The following CEP162 variants were observed in gnomAD, a reference collection of about 807,000 sequenced individuals.
CEP162 encodes centrosomal protein of 162 kDa.
A neutral mutation model predicts 169.2 loss-of-function variants in CEP162; 141 were observed. That is an observed-to-expected ratio of 0.83 (90% CI 0.73 to 0.96). The LOEUF is 0.96. Ranked by LOEUF, CEP162 falls within the 40% of genes least tolerant of loss-of-function variation. The pLI is 0.00. For synonymous variants in CEP162, 540 were observed against 526.4 expected, an observed-to-expected ratio of 1.03 and a Z score of -0.35; for missense variants, 1,600 against 1,587.2, an observed-to-expected ratio of 1.01 and a Z score of -0.14.
intron 11 of CEP162, among the ~76,000 whole-genome samples, chr6:84,192,194 T>C (rs2099540211): frequency 6.6e-6 from 1 of 152,244 alleles, no homozygotes; most frequent in African/African-American, 2.4e-5. Context: ...TAGGGTCATT[T>C]ACTCCATAGT....
At chr6:84,218,552 AT>A (rs2099552443) in intron 3 of CEP162, among the ~76,000 whole-genome samples, 1 of 152,162 alleles carries the variant, frequency 6.6e-6, no homozygotes, top group Non-Finnish European at 1.5e-5. Flanking sequence ...GCTTTTTAAT[AT>A]TCTTTTGTTC....
chr6:84,144,391 T>C (rs1004739609), intron 25 of CEP162, among the ~76,000 whole-genome samples: 4 of 152,098 alleles, frequency 2.6e-5, no homozygotes, highest in Admixed American at 2.6e-4. Context: ...TAATGTTGTA[T>C]TGTCACAAAA....
At chr6:84,215,950 G>A (rs2099551388) in intron 3 of CEP162, 28 bp from the exon 4 acceptor site, 1 of 1,492,634 alleles carries the variant, frequency 6.7e-7, no homozygotes, top group African/African-American at 1.4e-5. Flanking sequence ...TACAGATGAA[G>A]ATTTATGTTC....
Position 84,221,569 on chromosome 6 carries a change from C to A in CEP162, c.58-398G>T, listed in dbSNP as rs190110011. 1.6e-4 allele frequency among the ~76,000 whole-genome samples: 25 copies of A among 152,232 alleles called. No homozygotes were observed. The Middle Eastern group carries it at 0.01, about 62-fold the overall frequency. On this transcript the variant is annotated intron_variant, in intron 2 of 26. Transcript: ENST00000403245. ...AACAGAATTTCAATATAAGGAAGAACTGAGTTTCAGGGTGTAAAGAGGAGG... is the reference window on the plus strand; with the variant it reads ...AACAGAATTTCAATATAAGGAAGAAATGAGTTTCAGGGTGTAAAGAGGAGG...
intron 9 of CEP162, 80 bp from the exon 10 acceptor site, chr6:84,195,155 A>ACCTGTTATATTCCTGTTATATT: frequency 8.8e-7 from 1 of 1,133,104 alleles, no homozygotes; most frequent in South Asian, 1.6e-5. Context: ...TCATTCCTTA[A>ACCTGTTATATTCCTGTTATATT]CCTGTTAGGA....
Position 84,203,988 on chromosome 6 carries a change from G to A in CEP162, c.680C>T (p.Pro227Leu), listed in dbSNP as rs2099545694. ...TATAATTGATATATATACCTGTTTG[G>A]GCACACTTATTTTTTCTGATTTGGA... ...ENSKSEKISV[P>L]KQEEEKTGML... The change falls in exon 7 of 27, where the codon CCC becomes CTC. Residue 227 changes from proline (P) to leucine (L), a missense_variant. Transcript: ENST00000403245. 6.3e-7 allele frequency: 1 copy of A among 1,599,094 alleles called. No individual in the cohort carries two copies. The highest frequency in any genetic ancestry group is 1.3e-5 in the African/African-American group (1 of 74,212).
At chr6:84,220,863 T>C (rs2099553453) in intron 3 of CEP162, among the ~76,000 whole-genome samples, 194 bp downstream of exon 3, 1 of 152,204 alleles carries the variant, frequency 6.6e-6, no homozygotes, top group African/African-American at 2.4e-5. Context: ...GCTGATAATG[T>C]TATAACGCAG....
At chr6:84,209,502 G>T (rs1291420178) in intron 6 of CEP162, among the ~76,000 whole-genome samples, 1 of 151,818 alleles carries the variant, frequency 6.6e-6, no homozygotes, top group Non-Finnish European at 1.5e-5. Context: ...AGCCTCCTGA[G>T]TAGCTGGGAT....
At chr6:84,140,319 A>G in intron 25 of CEP162, among the ~76,000 whole-genome samples, 1 of 152,150 alleles carries the variant, frequency 6.6e-6, no homozygotes, top group East Asian at 1.9e-4. Flanking sequence ...GGTGTCACAG[A>G]TTAGCAGGTC....
At chr6:84,128,735 C>A (rs2099509969) in intron 25 of CEP162, among the ~76,000 whole-genome samples, 1 of 151,918 alleles carries the variant, frequency 6.6e-6, no homozygotes, top group Non-Finnish European at 1.5e-5. Flanking sequence ...GGTACATGTG[C>A]AGAACGTGCA....
chr6:84,125,363 G>A, intron 26 of CEP162, 87 bp from the exon 27 acceptor site: 1 of 1,113,672 alleles, frequency 9.0e-7, no homozygotes, highest in Non-Finnish European at 1.3e-6. Flanking sequence ...GCAAACCTGG[G>A]GTTTCTTTGG....
chr6:84,141,808 C>G (rs1010305375), intron 25 of CEP162, among the ~76,000 whole-genome samples: 1 of 152,194 alleles, frequency 6.6e-6, no homozygotes, highest in African/African-American at 2.4e-5. Context: ...TCATCAACTC[C>G]TTCAGCTCCA....
At chr6:84,173,891 G>GA (rs1175790597) in intron 16 of CEP162, among the ~76,000 whole-genome samples, 157 bp downstream of exon 16, 13 of 151,878 alleles carry the variant, frequency 8.6e-5, no homozygotes, top group Non-Finnish European at 1.8e-4. Context: ...CACCATGTTG[G>GA]CCAGGCTGGT....
intron 25 of CEP162, among the ~76,000 whole-genome samples, chr6:84,134,278 C>T (rs2099512931): frequency 1.3e-5 from 2 of 152,166 alleles, no homozygotes; most frequent in Non-Finnish European, 2.9e-5. Context: ...GCCAGTGGAT[C>T]TTAGCTTGCT....
At chr6:84,186,305 C>A in intron 12 of CEP162, 27 bp downstream of exon 12, 1 of 1,286,514 alleles carries the variant, frequency 7.8e-7, no homozygotes, top group South Asian at 1.3e-5. Context: ...CTCAATCTCT[C>A]AAATCAATTT....
intron 8 of CEP162, 148 bp from the exon 9 acceptor site, chr6:84,201,053 C>T (rs1319010559): frequency 7.5e-6 from 3 of 401,688 alleles, no homozygotes; most frequent in African/African-American, 2.0e-5. Context: ...CCAAGGCGGG[C>T]AGATCACGAG....
chr6:84,202,153 C>T (rs2099544782), intron 7 of CEP162, among the ~76,000 whole-genome samples: 1 of 152,106 alleles, frequency 6.6e-6, no homozygotes, highest in Admixed American at 6.5e-5. Context: ...AGTCTATTTT[C>T]CCTTACTGTT....
intron 17 of CEP162, among the ~76,000 whole-genome samples, chr6:84,170,086 T>C (rs1275803136): frequency 6.6e-6 from 1 of 151,966 alleles, no homozygotes; most frequent in African/African-American, 2.4e-5. Flanking sequence ...AAAAAAAGCA[T>C]AAGTAGGCCA....
intron 18 of CEP162, among the ~76,000 whole-genome samples, chr6:84,163,900 C>T (rs904269732): frequency 1.3e-5 from 2 of 151,544 alleles, no homozygotes; most frequent in African/African-American, 2.4e-5. Context: ...AAGAAACTAT[C>T]GTCAGAGTGA....
Sources: allele counts gnomAD v4.1 joint callset (sites outside exome capture counted in the v4.1 genomes callset), GRCh38; gene constraint gnomAD v4.1.1; transcripts MANE v1.5; gene names NCBI Gene and HGNC (gene_info 2026-07-23, HGNC 2026-07-21).